WDR45: variants seen among roughly 807,000 people sequenced by gnomAD.
WDR45 encodes the protein WD repeat domain 45, also known as WD repeat domain phosphoinositide-interacting protein 4.
A neutral mutation model predicts 27.3 loss-of-function variants in WDR45; 2 were observed. The ratio of observed to expected loss-of-function variants is 0.07; its 90% confidence interval spans 0.03 to 0.23. WDR45 has a LOEUF of 0.23. WDR45 is among the 10% of genes least tolerant of loss of function. The pLI is 1.00. For synonymous variants in WDR45, 99 were observed against 119.2 expected (o/e 0.83, Z 1.11); for missense variants, 175 against 311.9 (o/e 0.56, Z 3.31).
At chrX:49,088,152 CCAGCACTTTCGGAGGGTGAGG>C (rs1203584282) in intron 2 of WDR45, among the ~76,000 whole-genome samples, 1 of 111,679 alleles carries the variant, frequency 9.0e-6, no homozygotes, top group Admixed American at 9.6e-5. Flanking sequence ...GCCTGTAATC[CCAGCACTTTCGGAGGGTGAGG>C]CGGGTGGATC....
At chrX:49,099,772 CTA>C (rs1199404655) in intron 2 of WDR45, among the ~76,000 whole-genome samples, 2 of 101,913 alleles carry the variant, frequency 2.0e-5, no homozygotes, top group Non-Finnish European at 3.9e-5. Flanking sequence ...CAGAGCGAGA[CTA>C]TGTCTCAAAA....
In WDR45 at chrX:49,074,923, G is replaced by A. The variant is rs782577582; in HGVS notation, c.974-11C>T. 2 of 1,188,114 alleles carry A rather than the reference G, an allele frequency of 1.7e-6. No individual in the cohort carries two copies. The highest frequency in any genetic ancestry group is 2.3e-6 in the Non-Finnish European group (2 of 873,681). On this transcript the variant is annotated splice_polypyrimidine_tract_variant and intron_variant, in intron 10 of 10. Coordinates refer to ENST00000376372, the MANE Select transcript of WDR45 (RefSeq NM_001029896.2). ...CATCTACGCAGATGGCTGGGGGAGG[G>A]GGGGTGGTAAAAGGTCAGAGGCTGC...
chrX:49,075,176 G>A lies in WDR45; in HGVS notation c.933C>T (p.Ala311=), dbSNP rs2065029062. The part of the protein sequence containing the change: ...TVPAESACIC[A]FGRNTSKNVN... ...CGTTCTTGGAAGTATTGCGACCGAA[G>A]GCGCAGATGCAAGCTGACTCAGCAG... The change falls in exon 10 of 11, where the codon GCC becomes GCT. Residue 311 remains alanine, a synonymous_variant. Transcript: ENST00000376372. 8.3e-7 allele frequency: 1 copy of A among 1,211,253 alleles called. No individual in the cohort carries two copies. Among genetic ancestry groups the A allele is most frequent in the Admixed American group, 2.2e-5 (1 of 46,006 alleles).
Position 49,075,260 on chromosome X carries a change from C to T in WDR45, c.849G>A (p.Val283=). ...CCACGTACTGCCCAATCATAGGCCC[C>T]ACCTTGCCCACGCGAGCCAGCCTGC... ...RRSALARVGK[V]GPMIGQYVDS... is the part of the protein sequence containing the mutation. The change falls in exon 10 of 11, where the codon GTG becomes GTA. Residue 283 remains valine (V), a synonymous_variant. Coordinates refer to ENST00000376372, the MANE Select transcript of WDR45 (RefSeq NM_001029896.2). 1 of 1,211,351 alleles carries T rather than the reference C, an allele frequency of 8.3e-7. No individual in the cohort carries two copies. Among genetic ancestry groups the T allele is most frequent in the African/African-American group, 1.7e-5 (1 of 57,885 alleles).
chrX:49,095,524 G>A lies in WDR45; in HGVS notation c.-18+4681C>T, dbSNP rs781950862. ...TGTCCAGGCTGGAGTGCAGTGGCAC[G>A]ATCTCGGCTCACTGCAACTTCTTCC... On this transcript the variant is annotated intron_variant, in intron 2 of 11. Coordinates refer to the WDR45 transcript ENST00000356463. Among the ~76,000 whole-genome samples the A allele has an allele frequency of 3.5e-4, 38 of 109,300 alleles. No homozygotes were observed. The East Asian group carries it at 9.5e-3, about 27-fold the overall frequency. 94.9% of individuals were successfully genotyped at this position (109,300 alleles called of 115,157 possible). A position where few individuals can be genotyped will look rare whatever the true frequency, so the allele number is the denominator to read the frequency against.
chrX:49,076,831 T>C, intron 4 of WDR45, 81 bp from the exon 5 acceptor site: 1 of 820,672 alleles, frequency 1.2e-6, no homozygotes, highest in Non-Finnish European at 1.8e-6. Flanking sequence ...CACCCCTGCT[T>C]CCCAGGGACC....
chrX:49,075,351 AG>A lies in WDR45; in HGVS notation c.827+12del, dbSNP rs782023833. The A allele has an allele frequency of 2.5e-5, 30 of 1,206,668 alleles. 1 individual carries two copies. In the East Asian group the frequency reaches 4.2e-4, roughly 17 times the overall value. On this transcript the variant is annotated intron_variant, in intron 9 of 10. Coordinates refer to ENST00000376372, the MANE Select transcript of WDR45 (RefSeq NM_001029896.2). ...GGGACAGGGACACGGTAGGGTGGGGAGGGGGTACTCACGCGGAGCGGCGGTT... is the reference window on the plus strand; with the variant it reads ...GGGACAGGGACACGGTAGGGTGGGGAGGGGTACTCACGCGGAGCGGCGGTT...
At chrX:49,086,751 G>A (rs1481780330) in intron 2 of WDR45, among the ~76,000 whole-genome samples, 2 of 110,218 alleles carry the variant, frequency 1.8e-5, no homozygotes, top group African/African-American at 6.6e-5. Context: ...GCACCACCAC[G>A]AGGGCTAGTT....
rs1557084022 is a variant in WDR45, at chrX:49,075,528, G to A, written c.725+17C>T. 8.3e-7 allele frequency: 1 copy of A among 1,211,146 alleles called. No homozygotes were observed. On this transcript the variant is annotated intron_variant, in intron 8 of 10. Transcript: ENST00000376372. ...TGGTATGGGGTCACCAGCCCACCAT[G>A]CATACCCTGTGCTCACCAGTAGAGG...
At chrX:49,093,150 G>A (rs1313018340) in intron 2 of WDR45, among the ~76,000 whole-genome samples, 5 of 111,151 alleles carry the variant, frequency 4.5e-5, no homozygotes, top group Non-Finnish European at 5.7e-5. Context: ...GGATGGTCTC[G>A]ATCTGACCTC....
intron 2 of WDR45, among the ~76,000 whole-genome samples, chrX:49,099,905 T>C (rs2065139735): frequency 9.1e-6 from 1 of 109,313 alleles, no homozygotes; most frequent in Non-Finnish European, 1.9e-5. Context: ...CCAGACCTGA[T>C]ATCAAGGTTG....
chrX:49,099,074 A>C (rs2065135965), intron 2 of WDR45, among the ~76,000 whole-genome samples: 2 of 112,268 alleles, frequency 1.8e-5, no homozygotes, highest in Admixed American at 9.5e-5. Flanking sequence ...CAGTAATCGC[A>C]GCACTTTGGG....
At chrX:49,075,330 C>G in intron 9 of WDR45, 34 bp downstream of exon 9, 1 of 1,207,706 alleles carries the variant, frequency 8.3e-7, no homozygotes, top group Non-Finnish European at 1.1e-6. Flanking sequence ...GGCAGGGGGA[C>G]AGGGACACGG....
intron 6 of WDR45, 110 bp from the exon 7 acceptor site, chrX:49,076,055 C>T (rs782149186): frequency 3.0e-6 from 2 of 662,567 alleles, no homozygotes; most frequent in Admixed American, 2.9e-5. Flanking sequence ...TAAGCTTAAC[C>T]CGAAGAACCC....
intron 4 of WDR45, 146 bp from the exon 5 acceptor site, chrX:49,076,896 C>T (rs991784405): frequency 1.7e-5 from 8 of 482,823 alleles, no homozygotes; most frequent in Non-Finnish European, 2.9e-5. Context: ...TCGCACAGCA[C>T]GAGCACTTGT....
At chrX:49,095,783 T>TG (rs2065123402) in intron 2 of WDR45, among the ~76,000 whole-genome samples, 1 of 79,897 alleles carries the variant, frequency 1.3e-5, no homozygotes, top group Non-Finnish European at 2.4e-5. Flanking sequence ...TTTTTTTTTT[T>TG]GAGGCGGCAT....
upstream of WDR45, among the ~76,000 whole-genome samples, chrX:49,080,853 A>T (rs1280043638): frequency 9.2e-6 from 1 of 108,413 alleles, no homozygotes; most frequent in Non-Finnish European, 1.9e-5. Context: ...AAAGCTTTTA[A>T]AAAAAGGCCC....
chrX:49,077,624 G>C lies in WDR45; in HGVS notation c.235+19C>G, dbSNP rs781878752. Reference sequence around the variant, plus strand: ...GAATCCGAGAAATCTGGGCCAAAGGGCAGGATGAGGGCACTTACCTGAGAT... The same window carrying C: ...GAATCCGAGAAATCTGGGCCAAAGGCCAGGATGAGGGCACTTACCTGAGAT... On this transcript the variant is annotated intron_variant, in intron 4 of 10. Transcript: ENST00000376372. 15 of 1,171,621 alleles carry C rather than the reference G, an allele frequency of 1.3e-5. No individual in the cohort carries two copies. The highest frequency in any genetic ancestry group is 1.7e-5 in the Non-Finnish European group (15 of 871,973).
chrX:49,075,761 A>C lies in WDR45; in HGVS notation c.517-8T>G. ...CTTTGTGCTCGCCAGGTCCTGGGGT[A>C]GGAGGGAGGAGTCTGAGGTTGGGGT... is the stretch of plus-strand genomic sequence containing the variant. On this transcript the variant is annotated splice_polypyrimidine_tract_variant and splice_region_variant and intron_variant, in intron 7 of 10. Transcript: ENST00000376372. The C allele has an allele frequency of 1.7e-6, 2 of 1,202,941 alleles. No individual in the cohort carries two copies. The highest frequency in any genetic ancestry group is 2.2e-6 in the Non-Finnish European group (2 of 890,789).
Sources: allele counts gnomAD v4.1 joint callset (sites outside exome capture counted in the v4.1 genomes callset), GRCh38; gene constraint gnomAD v4.1.1; transcripts MANE v1.5; gene names NCBI Gene and HGNC (gene_info 2026-07-23, HGNC 2026-07-21).